Variants in WLS observed in about 807,000 individuals in gnomAD.
WLS encodes the protein Wnt ligand secretion mediator, also known as protein wntless homolog.
WLS carries 23 observed loss-of-function variants against 62.8 expected under a neutral mutation model. The observed-to-expected ratio is 0.37, with a 90% CI of 0.26 to 0.52. WLS has a LOEUF of 0.52. Among genes scored for constraint, WLS ranks in the 20% least tolerant of loss-of-function variants. WLS has a pLI of 0.92. For synonymous variants in WLS, 246 were observed against 244.1 expected (o/e 1.01, Z -0.07); for missense variants, 615 against 697.3 (o/e 0.88, Z 1.33).
At chr1:68,206,717 C>T (rs148605535) in intron 1 of WLS, among the ~76,000 whole-genome samples, 69 of 152,218 alleles carry the variant, frequency 4.5e-4, no homozygotes, top group African/African-American at 1.6e-3. Flanking sequence ...ATTAATCAGG[C>T]AAATTATTCA....
intron 11 of WLS, among the ~76,000 whole-genome samples, chr1:68,105,540 C>G (rs1646132469): frequency 6.6e-6 from 1 of 152,080 alleles, no homozygotes; most frequent in South Asian, 2.1e-4. Context: ...AACTATGAAA[C>G]AAAGGCAGAA....
chr1:68,150,116 G>T, intron 6 of WLS, 72 bp downstream of exon 6: 1 of 1,512,350 alleles, frequency 6.6e-7, no homozygotes, highest in South Asian at 1.2e-5. Flanking sequence ...GAGGCAAAGG[G>T]GGGCAGGTGT....
chr1:68,101,039 C>G (rs1193137022), intron 11 of WLS, among the ~76,000 whole-genome samples: 1 of 152,194 alleles, frequency 6.6e-6, no homozygotes, highest in Admixed American at 6.5e-5. Context: ...TGCTTTACCC[C>G]TCTCTCCCTT....
chr1:68,150,255 A>C lies in WLS; in HGVS notation c.905T>G (p.Ile302Ser). ...DWTWMLLFGD[I>S]RQGIFYAMLL... ...CATCGCATAGAAGATGCCCTGTCGG[A>C]TGTCACCAAACAGCAGCATCCAGGT... Residue 302 changes from isoleucine (I) to serine (S), a missense_variant, in exon 6 of 12, where the codon ATC (isoleucine) becomes AGC (serine). Ile to Ser is a moderately radical substitution (Grantham distance 142). Transcript: ENST00000262348. The C allele has an allele frequency of 6.2e-7, 1 of 1,614,222 alleles. No homozygotes were observed. The highest frequency in any genetic ancestry group is 8.5e-7 in the Non-Finnish European group (1 of 1,180,040).
intron 2 of WLS, among the ~76,000 whole-genome samples, chr1:68,159,540 C>T (rs921976068): frequency 6.6e-5 from 10 of 152,150 alleles, no homozygotes; most frequent in South Asian, 2.1e-4. Context: ...CCTCATCCTC[C>T]CATAACTTGT....
chr1:68,098,727 C>G, exon 12 of WLS: 1 of 1,613,740 alleles, frequency 6.2e-7, no homozygotes, highest in African/African-American at 1.3e-5. Context: ...GCACAATCTT[C>G]CCTCGATTTA....
chr1:68,146,521 T>C (rs1646754622), intron 8 of WLS, among the ~76,000 whole-genome samples: 1 of 152,206 alleles, frequency 6.6e-6, no homozygotes, highest in African/African-American at 2.4e-5. Context: ...TGGGAACCAC[T>C]GGGCTAGTCC....
chr1:68,150,434 T>C, intron 5 of WLS, 78 bp from the exon 6 acceptor site: 3 of 1,570,420 alleles, frequency 1.9e-6, no homozygotes, highest in Non-Finnish European at 2.6e-6. Flanking sequence ...CGAATTCAGT[T>C]TTGAGACATG....
At chr1:68,103,018 C>T (rs1363090236) in intron 11 of WLS, among the ~76,000 whole-genome samples, 1 of 152,140 alleles carries the variant, frequency 6.6e-6, no homozygotes, top group Non-Finnish European at 1.5e-5. Context: ...TCACCAGTGT[C>T]TTGAGATATG....
At chr1:68,114,790 A>T (rs1191873030) in intron 11 of WLS, among the ~76,000 whole-genome samples, 1 of 152,228 alleles carries the variant, frequency 6.6e-6, no homozygotes, top group Non-Finnish European at 1.5e-5. Context: ...CAGTTATCAT[A>T]CTATGGGCTT....
intron 2 of WLS, among the ~76,000 whole-genome samples, chr1:68,181,865 G>A (rs996392273): frequency 2.0e-5 from 3 of 152,148 alleles, no homozygotes; most frequent in Non-Finnish European, 4.4e-5. Context: ...AAATACCACT[G>A]AAATTTTATG....
At chr1:68,146,485 G>A (rs746368039) in intron 8 of WLS, among the ~76,000 whole-genome samples, 2 of 152,162 alleles carry the variant, frequency 1.3e-5, no homozygotes, top group African/African-American at 2.4e-5. Flanking sequence ...ATATTCCAGG[G>A]CTAGGACATC....
chr1:68,142,525 T>C (rs1034480453), intron 10 of WLS: 3 of 152,248 alleles, frequency 2.0e-5, no homozygotes, highest in Admixed American at 6.5e-5. Flanking sequence ...TCAGACACTC[T>C]TGTTTGAATA....
At chr1:68,119,994 G>A (rs1646343473) in intron 11 of WLS, among the ~76,000 whole-genome samples, 1 of 152,174 alleles carries the variant, frequency 6.6e-6, no homozygotes, top group Non-Finnish European at 1.5e-5. Context: ...AGCCTCAGAA[G>A]AGGCAAGGAT....
At chr1:68,110,174 A>G (rs557021420) in intron 11 of WLS, among the ~76,000 whole-genome samples, 109 of 152,052 alleles carry the variant, frequency 7.2e-4, no homozygotes, top group African/African-American at 2.5e-3. Context: ...TGAACAAAGG[A>G]ATATATCTAC....
intron 2 of WLS, among the ~76,000 whole-genome samples, chr1:68,190,570 G>A (rs1648233688): frequency 6.6e-6 from 1 of 152,230 alleles, no homozygotes; most frequent in South Asian, 2.1e-4. Context: ...CTTATGGAGA[G>A]ACCCATGTGG....
intron 11 of WLS, among the ~76,000 whole-genome samples, chr1:68,102,277 G>T (rs566680689): frequency 6.6e-6 from 1 of 152,178 alleles, no homozygotes; most frequent in Non-Finnish European, 1.5e-5. Flanking sequence ...CCAAGGGAAA[G>T]AATGACTTCT....
intron 11 of WLS, chr1:68,102,560 T>C (rs902804662): frequency 6.6e-6 from 1 of 152,170 alleles, no homozygotes; most frequent in Non-Finnish European, 1.5e-5. Flanking sequence ...GTCATCTGAT[T>C]GCAGGTCCAC....
rs146375537 is a variant in WLS, at chr1:68,159,196, G to A, written c.431C>T (p.Ala144Val). The change falls in exon 3 of 12, where the codon GCG (alanine) becomes GTG (valine). Residue 144 changes from alanine (A) to valine (V), a missense_variant. Coordinates refer to ENST00000262348, the MANE Select transcript of WLS (RefSeq NM_024911.7). The part of the protein sequence containing the change: ...MDVSLAYRDD[A>V]FAEWTEMAHE... ...GGCCATTTCAGTCCACTCAGCAAAC[G>A]CGTCATCACGGTAAGCCAGGGAAAC... 2.9e-5 allele frequency: 46 copies of A among 1,613,934 alleles called. No individual in the cohort carries two copies. The highest frequency in any genetic ancestry group is 1.2e-4 in the African/African-American group (9 of 74,882).
Sources: gnomAD v4.1 joint callset for allele counts (sites outside exome capture counted in the v4.1 genomes callset) on GRCh38, gnomAD v4.1.1 for gene constraint, MANE v1.5 for transcripts, NCBI Gene and HGNC (gene_info 2026-07-23, HGNC 2026-07-21) for gene names.